ZNF839: variants seen among roughly 807,000 people sequenced by gnomAD.
ZNF839 encodes the protein renal carcinoma antigen NY-REN-50.
A neutral mutation model predicts 56.4 loss-of-function variants in ZNF839; 38 were observed. The observed-to-expected ratio is 0.67, with a 90% confidence interval of 0.52 to 0.88. The LOEUF (loss-of-function observed/expected upper bound fraction) is 0.88. Ranked by LOEUF, ZNF839 falls within the 40% of genes least tolerant of loss-of-function variation. The pLI is 0.00. For missense variants in ZNF839, 1,091 were observed against 1,177.6 expected, an observed-to-expected ratio of 0.93 and a Z score of 1.08; for synonymous variants, 486 against 493.5, an observed-to-expected ratio of 0.98 and a Z score of 0.20.
intron 2 of ZNF839, chr14:102,331,400 C>T (rs939883878): frequency 4.2e-6 from 2 of 470,920 alleles, no homozygotes; most frequent in African/African-American, 2.0e-5. Flanking sequence ...AGGCGCGCGC[C>T]ACCGCGCCTG....
At chr14:102,336,108 G>C (rs1357352303) in intron 5 of ZNF839, among the ~76,000 whole-genome samples, 1 of 151,906 alleles carries the variant, frequency 6.6e-6, no homozygotes, top group Non-Finnish European at 1.5e-5. Flanking sequence ...GAACCTAGGA[G>C]GCAGAGGTTG....
At chr14:102,337,969 C>T (rs532422834) in intron 5 of ZNF839, among the ~76,000 whole-genome samples, 4 of 152,224 alleles carry the variant, frequency 2.6e-5, no homozygotes, top group Admixed American at 2.6e-4. Flanking sequence ...CTGGATAAGT[C>T]AGGGAGATGG....
intron 1 of ZNF839, among the ~76,000 whole-genome samples, chr14:102,322,609 T>C (rs1238515512): frequency 6.6e-6 from 1 of 152,146 alleles, no homozygotes; most frequent in Non-Finnish European, 1.5e-5. Context: ...GGGTCTTTCT[T>C]TCTCACCCAG....
At chr14:102,338,539 GAAAAA>G (rs954011615) in intron 5 of ZNF839, among the ~76,000 whole-genome samples, 550 of 32,036 alleles carry the variant, frequency 0.017, 3 homozygotes, top group African/African-American at 0.057. Flanking sequence ...CTCTGTCTCA[GAAAAA>G]AAAAAAAAAA....
rs535799193 is a variant in ZNF839, at chr14:102,334,809, C to T, written c.1509+163C>T. ...CCCAGCTAGAGTGCAGTGGCACCAT[C>T]GTAGCTCACTGCAGCCTCAAACTGC... On this transcript the variant is annotated intron_variant, in intron 4 of 7. Transcript: ENST00000442396. The T allele has an allele frequency of 1.4e-3, 404 of 293,698 alleles. 1 individual carries two copies. The highest frequency in any genetic ancestry group is 1.7e-3 in the Non-Finnish European group (273 of 164,388). The allele number at this position is 293,698 out of a possible 1,614,324, so 18.2% of individuals were successfully genotyped here.
At chr14:102,338,672 T>C (rs1886134007) in intron 5 of ZNF839, 144 bp from the exon 6 acceptor site, 2 of 1,106,404 alleles carry the variant, frequency 1.8e-6, no homozygotes, top group Non-Finnish European at 2.6e-6. Context: ...TTCATCTTTC[T>C]CATTGTTGAG....
chr14:102,329,499 C>T, intron 2 of ZNF839, among the ~76,000 whole-genome samples: 1 of 151,992 alleles, frequency 6.6e-6, no homozygotes, highest in Non-Finnish European at 1.5e-5. Flanking sequence ...ATTCTCCTGC[C>T]TCAGCCTTTT....
At position 102,342,001 on chromosome 14, in the gene ZNF839, C is replaced by G; in HGVS notation, c.2606C>G (p.Ala869Gly). 4.3e-6 allele frequency: 7 copies of G among 1,613,968 alleles called. No individual in the cohort carries two copies. Among genetic ancestry groups the G allele is most frequent in the Non-Finnish European group, 5.9e-6 (7 of 1,179,858 alleles). Residue 869 changes from alanine (A) to glycine (G), a missense_variant, in exon 8 of 8, where the codon GCC becomes GGC. Transcript: ENST00000442396. ...ELESVVAVGE[A>G]MAFEISNGSH... ...GAGAGCGTGGTTGCTGTCGGCGAAG[C>G]CATGGCTTTTGAAATTTCCAATGGG... is the stretch of plus-strand genomic sequence containing the variant.
chr14:102,323,191 CCACAG>C (rs1416811821), intron 1 of ZNF839, among the ~76,000 whole-genome samples: 2 of 150,314 alleles, frequency 1.3e-5, no homozygotes, highest in African/African-American at 5.0e-5. Context: ...CAGTTTTGCC[CCACAG>C]GGGGCACTTG....
rs371985656 is a variant in ZNF839, at chr14:102,338,949, G to A, written c.1793G>A (p.Arg598His). 3.2e-5 allele frequency: 51 copies of A among 1,613,908 alleles called. No individual in the cohort carries two copies. Among genetic ancestry groups the A allele is most frequent in the Admixed American group, 8.3e-5 (5 of 59,994 alleles). ...LEGASSEKRE[R>H]EAAEEGLASV... Reference sequence around the variant, plus strand: ...GGAGCTAGCAGCGAGAAGAGGGAACGTGAGGTGGGCATGGCTGAAGTGGGT... The same window carrying A: ...GGAGCTAGCAGCGAGAAGAGGGAACATGAGGTGGGCATGGCTGAAGTGGGT... The change falls in exon 6 of 8, where the codon CGT (arginine) becomes CAT (histidine). Residue 598 changes from arginine to histidine, a missense_variant. Arg to His is a conservative substitution (Grantham distance 29, BLOSUM62 0). Transcript: ENST00000442396.
intron 2 of ZNF839, among the ~76,000 whole-genome samples, chr14:102,328,386 ATATATATATATATATATATATATATG>A (rs2073569998): frequency 3.0e-5 from 2 of 66,170 alleles, no homozygotes; most frequent in African/African-American, 1.8e-4. Context: ...ATATATATAT[ATATATATATATATATATATATATATG>A]TATACACACA....
chr14:102,341,607 T>C lies in ZNF839; in HGVS notation c.2212T>C (p.Trp738Arg). ...GGAACACTCTTCAGACCAGGACACCTGGGACAGCCTGAGGAGCCCGGGTTT... is the reference window on the plus strand; with the variant it reads ...GGAACACTCTTCAGACCAGGACACCCGGGACAGCCTGAGGAGCCCGGGTTT... The part of the protein sequence containing the change: ...ALEHSSDQDT[W>R]DSLRSPGFCS... The change falls in exon 8 of 8, where the codon TGG (tryptophan) becomes CGG (arginine). Residue 738 changes from tryptophan (W) to arginine (R), a missense_variant. By Grantham distance (101) the Trp-to-Arg change is moderately radical. Coordinates refer to ENST00000442396, the MANE Select transcript of ZNF839 (RefSeq NM_018335.6). 6.2e-7 allele frequency: 1 copy of C among 1,613,940 alleles called. No homozygotes were observed. Among genetic ancestry groups the C allele is most frequent in the Non-Finnish European group, 8.5e-7 (1 of 1,179,852 alleles).
At chr14:102,328,770 C>T (rs1400771536) in intron 2 of ZNF839, among the ~76,000 whole-genome samples, 2 of 152,014 alleles carry the variant, frequency 1.3e-5, no homozygotes, top group Admixed American at 6.6e-5. Flanking sequence ...TTTCACTTTG[C>T]ACGATATCCA....
intron 1 of ZNF839, among the ~76,000 whole-genome samples, chr14:102,324,332 C>G (rs1241267925): frequency 6.6e-6 from 1 of 152,112 alleles, no homozygotes; most frequent in Non-Finnish European, 1.5e-5. Context: ...ATCATGAGGT[C>G]AGGAGTTTGA....
intron 7 of ZNF839, among the ~76,000 whole-genome samples, chr14:102,339,483 G>A (rs758028940): frequency 5.3e-5 from 8 of 152,144 alleles, no homozygotes; most frequent in Admixed American, 3.9e-4. Flanking sequence ...AGTGGCTCAC[G>A]CCTATAATCC....
chr14:102,342,209 G>T lies in ZNF839; in HGVS notation c.*30G>T. On this transcript the variant is annotated 3_prime_UTR_variant, in exon 8 of 8. Transcript: ENST00000442396. ...AGTTCCTCTAGAAGCTGTGGAGTCG[G>T]TCGTCACCGTGGAGCCAGAGCCCTC... 6.4e-7 allele frequency: 1 copy of T among 1,555,110 alleles called. No individual in the cohort carries two copies. The highest frequency in any genetic ancestry group is 1.2e-5 in the South Asian group (1 of 85,350).
At chr14:102,341,238 G>T in intron 7 of ZNF839, 85 bp from the exon 8 acceptor site, 2 of 1,421,848 alleles carry the variant, frequency 1.4e-6, no homozygotes, top group Non-Finnish European at 1.8e-6. Flanking sequence ...CAGGTGACTT[G>T]GCCTAGCTGG....
intron 3 of ZNF839, 122 bp downstream of exon 3, chr14:102,331,968 G>A: frequency 1.3e-6 from 1 of 791,362 alleles, no homozygotes; most frequent in Non-Finnish European, 2.0e-6. Flanking sequence ...AGTGTGTGAT[G>A]ATGCCAAGGA....
At chr14:102,331,405 C>T (rs537367950) in intron 2 of ZNF839, 144 of 486,960 alleles carry the variant, frequency 3.0e-4, no homozygotes, top group Non-Finnish European at 4.8e-4. Flanking sequence ...CGCGCCACCG[C>T]GCCTGGCTAA....
Sources: allele counts gnomAD v4.1 joint callset (sites outside exome capture counted in the v4.1 genomes callset), GRCh38; gene constraint gnomAD v4.1.1; transcripts MANE v1.5; gene names NCBI Gene and HGNC (gene_info 2026-07-23, HGNC 2026-07-21).